The following CPVL variants were observed in gnomAD, a reference collection of about 807,000 sequenced individuals.
CPVL encodes carboxypeptidase vitellogenic like, also known as probable serine carboxypeptidase CPVL.
CPVL carries 51 observed loss-of-function variants against 63.7 expected under a neutral mutation model. The observed-to-expected ratio is 0.80, with a 90% CI of 0.64 to 1.01. The LOEUF is 1.01. Among genes scored for constraint, CPVL ranks in the 50% least tolerant of loss-of-function variants. The pLI is 0.00. For missense variants in CPVL, 530 were observed against 573.1 expected, an observed-to-expected ratio of 0.92 and a Z score of 0.77; for synonymous variants, 195 against 206.0, an observed-to-expected ratio of 0.95 and a Z score of 0.46.
chr7:29,163,602 T>G (rs1351510255), intron 5 of CPVL, among the ~76,000 whole-genome samples: 1 of 152,080 alleles, frequency 6.6e-6, no homozygotes, highest in Non-Finnish European at 1.5e-5. Flanking sequence ...AAATATAAAG[T>G]ATACAATTTG....
intron 2 of CPVL, among the ~76,000 whole-genome samples, chr7:29,119,312 T>C (rs12668914): frequency 0.31 from 46,955 of 151,738 alleles, 7,333 homozygotes; most frequent in Middle Eastern, 0.35. Flanking sequence ...CAAGGCAAAA[T>C]CCCATCTCTA....
At chr7:29,016,369 TCCAGGACCAGTAACCAGCC>T in intron 12 of CPVL, among the ~76,000 whole-genome samples, 1 of 151,616 alleles carries the variant, frequency 6.6e-6, no homozygotes, top group Non-Finnish European at 1.5e-5. Context: ...AAAAAAAGTT[TCCAGGACCAGTAACCAGCC>T]CACAGCTAGC....
chr7:29,077,551 C>G (rs1275643407), intron 7 of CPVL, among the ~76,000 whole-genome samples: 1 of 152,106 alleles, frequency 6.6e-6, no homozygotes, highest in Non-Finnish European at 1.5e-5. Context: ...TTCTAAGCTC[C>G]CTGCCCTGCT....
chr7:29,055,573 T>C (rs893774949), intron 11 of CPVL, among the ~76,000 whole-genome samples: 3 of 152,134 alleles, frequency 2.0e-5, no homozygotes, highest in Non-Finnish European at 4.4e-5. Context: ...TAAGTGTATT[T>C]GCTTCTGCTA....
At chr7:29,114,120 T>A (rs1187862817) in intron 2 of CPVL, among the ~76,000 whole-genome samples, 2 of 152,080 alleles carry the variant, frequency 1.3e-5, no homozygotes, top group African/African-American at 2.4e-5. Flanking sequence ...CAGGATAAAA[T>A]AAGCCAAGGT....
intron 12 of CPVL, among the ~76,000 whole-genome samples, chr7:29,004,392 G>A (rs775405699): frequency 2.5e-4 from 37 of 149,176 alleles, no homozygotes; most frequent in Admixed American, 4.7e-4. Flanking sequence ...TCAGTTAGAC[G>A]TGCTTTGAAC....
At chr7:29,160,480 C>T (rs1005926094) in intron 5 of CPVL, among the ~76,000 whole-genome samples, 2 of 152,144 alleles carry the variant, frequency 1.3e-5, no homozygotes, top group African/African-American at 4.8e-5. Flanking sequence ...CATGGCTACC[C>T]CTTTTCCCTT....
Position 29,018,864 on chromosome 7 carries a change from C to T in CPVL, c.1320+11713G>A, listed in dbSNP as rs554299604. 6.6e-5 allele frequency among the ~76,000 whole-genome samples: 10 copies of T among 152,202 alleles called. No individual in the cohort carries two copies. In the South Asian group the frequency reaches 2.1e-3, roughly 32 times the overall value. ...CTTGAGAGCAATGGCCATGGGTTGT[C>T]AACAGACAAGGAGAAAGAGGACTCA... On this transcript the variant is annotated intron_variant, in intron 12 of 12. Coordinates refer to ENST00000265394, the MANE Select transcript of CPVL (RefSeq NM_031311.5).
chr7:29,088,206 T>C (rs561359518), intron 6 of CPVL, among the ~76,000 whole-genome samples: 1 of 152,330 alleles, frequency 6.6e-6, no homozygotes, highest in South Asian at 2.1e-4. Flanking sequence ...GAATTTCAGA[T>C]AACAAATAAT....
intron 5 of CPVL, among the ~76,000 whole-genome samples, chr7:29,168,103 C>T (rs1030331498): frequency 1.3e-5 from 2 of 152,198 alleles, no homozygotes; most frequent in Non-Finnish European, 2.9e-5. Context: ...CCTAGCATAT[C>T]ATAACATACA....
intron 1 of CPVL, among the ~76,000 whole-genome samples, chr7:29,130,980 AT>A (rs1790637872): frequency 6.6e-6 from 1 of 152,220 alleles, no homozygotes; most frequent in African/African-American, 2.4e-5. Flanking sequence ...TCTTTAGGAC[AT>A]TAAAATCTCA....
chr7:28,995,896 A>T lies in CPVL; in HGVS notation c.1321-14T>A, dbSNP rs763264897. 6.8e-7 allele frequency: 1 copy of T among 1,463,944 alleles called. No homozygotes were observed. The highest frequency in any genetic ancestry group is 2.3e-5 in the East Asian group (1 of 43,810). 90.7% of individuals were successfully genotyped at this position (1,463,944 alleles called of 1,614,324 possible). A position where few individuals can be genotyped will look rare whatever the true frequency, so the allele number is the denominator to read the frequency against. ...TCGAATAATTACCTTAAAAAGAAAA[A>T]GTAAAAGAACGGAAATTTAGAGAAA... On this transcript the variant is annotated splice_polypyrimidine_tract_variant and intron_variant, in intron 12 of 12. Coordinates refer to ENST00000265394, the MANE Select transcript of CPVL (RefSeq NM_031311.5).
At chr7:29,067,163 G>T (rs1449968885) in intron 9 of CPVL, among the ~76,000 whole-genome samples, 1 of 152,124 alleles carries the variant, frequency 6.6e-6, no homozygotes, top group African/African-American at 2.4e-5. Context: ...GCATTTTAGG[G>T]TATGAGAATC....
In CPVL at chr7:29,176,548, G is replaced by C. The variant is rs561563989; in HGVS notation, c.-11+4742C>G. ...ACTTTGATTCCAAAGGAAAGACAAA[G>C]TAAAGACATTTATAGACAAAAATTG... On this transcript the variant is annotated intron_variant, in intron 5 of 16. Transcript: ENST00000409850. 3.9e-5 allele frequency among the ~76,000 whole-genome samples: 6 copies of C among 152,064 alleles called. No homozygotes were observed. In the East Asian group the frequency reaches 1.2e-3, roughly 29 times the overall value.
intron 9 of CPVL, among the ~76,000 whole-genome samples, chr7:29,066,605 G>C (rs2128567973): frequency 6.6e-6 from 1 of 152,326 alleles, no homozygotes; most frequent in African/African-American, 2.4e-5. Flanking sequence ...CCAGGCAGAG[G>C]ACACAGTAAG....
intron 1 of CPVL, among the ~76,000 whole-genome samples, chr7:29,137,005 T>TA (rs1174264317): frequency 6.6e-6 from 1 of 152,208 alleles, no homozygotes; most frequent in Non-Finnish European, 1.5e-5. Flanking sequence ...AGTTCTTTAT[T>TA]GTGACTTGCC....
chr7:29,044,992 AAAC>A (rs1396199133), intron 11 of CPVL, among the ~76,000 whole-genome samples: 1 of 152,244 alleles, frequency 6.6e-6, no homozygotes, highest in Non-Finnish European at 1.5e-5. Flanking sequence ...AGACACTTTC[AAAC>A]AACAACAAAA....
intron 11 of CPVL, among the ~76,000 whole-genome samples, chr7:29,051,897 T>C (rs1343590464): frequency 6.8e-6 from 1 of 148,026 alleles, no homozygotes; most frequent in Non-Finnish European, 1.5e-5. Flanking sequence ...TATATATAAA[T>C]ATAAATATAT....
At chr7:29,129,704 T>C (rs1790479073) in intron 1 of CPVL, among the ~76,000 whole-genome samples, 1 of 152,118 alleles carries the variant, frequency 6.6e-6, no homozygotes, top group Non-Finnish European at 1.5e-5. Flanking sequence ...CCTGACCTTG[T>C]GAACTGCCCA....
Sources: gnomAD v4.1 joint callset for allele counts (sites outside exome capture counted in the v4.1 genomes callset) on GRCh38, gnomAD v4.1.1 for gene constraint, MANE v1.5 for transcripts, NCBI Gene and HGNC (gene_info 2026-07-23, HGNC 2026-07-21) for gene names.